PEX26: variants seen among roughly 807,000 people sequenced by gnomAD.
The protein encoded by PEX26 is peroxisome assembly protein 26.
A neutral mutation model predicts 31.4 loss-of-function variants in PEX26; 18 were observed. That is an observed-to-expected ratio of 0.57 (90% CI 0.40 to 0.85). The LOEUF (loss-of-function observed/expected upper bound fraction) is 0.85. Ranked by LOEUF, PEX26 falls within the 40% of genes least tolerant of loss-of-function variation. The pLI is 0.00. For missense variants in PEX26, 377 were observed against 383.9 expected (o/e 0.98, Z 0.15); for synonymous variants, 176 against 166.9 (o/e 1.05, Z -0.42).
In PEX26 at chr22:18,104,455, C is replaced by G. The variant is rs361543; in HGVS notation, c.*16380C>G. The G allele has an allele frequency of 0.3, 44,913 of 152,058 alleles. 7,088 individuals are homozygous for G. The highest frequency in any genetic ancestry group is 0.56 in the East Asian group (2,892 of 5,182). 9.4% of individuals were successfully genotyped at this position (152,058 alleles called of 1,614,324 possible). ...ACCTCAGGTGGTCCACCTGCCTCAGCCTTCCAAAGCGTTGGGATTACAGGC... is the reference window on the plus strand; with the variant it reads ...ACCTCAGGTGGTCCACCTGCCTCAGGCTTCCAAAGCGTTGGGATTACAGGC... On this transcript the variant is annotated 3_prime_UTR_variant, in exon 5 of 5. Coordinates refer to ENST00000399744, the MANE Select transcript of PEX26 (RefSeq NM_001127649.3).
In PEX26 at chr22:18,083,477, C is replaced by A; in HGVS notation, c.412C>A (p.Leu138Met). The A allele has an allele frequency of 6.2e-7, 1 of 1,614,138 alleles. No individual in the cohort carries two copies. The highest frequency in any genetic ancestry group is 8.5e-7 in the Non-Finnish European group (1 of 1,180,018). ...YSKMQEPGAVLDVVGAWLQDP... is the reference protein window; with the variant it reads ...YSKMQEPGAVMDVVGAWLQDP... ...CAAAATGCAAGAGCCTGGAGCTGTGCTGGATGTGGTGGGTGCCTGGCTCCA... is the reference window on the plus strand; with the variant it reads ...CAAAATGCAAGAGCCTGGAGCTGTGATGGATGTGGTGGGTGCCTGGCTCCA... Residue 138 changes from leucine to methionine, a missense_variant, in exon 3 of 5, where the codon CTG becomes ATG. By Grantham distance (15) the Leu-to-Met change is conservative (BLOSUM62 2). Coordinates refer to ENST00000399744, the MANE Select transcript of PEX26 (RefSeq NM_001127649.3).
Position 18,101,747 on chromosome 22 carries a change from G to A in PEX26, c.*13672G>A. The A allele has an allele frequency of 4.2e-6, 1 of 240,644 alleles. No individual in the cohort carries two copies. The highest frequency in any genetic ancestry group is 8.0e-6 in the Non-Finnish European group (1 of 124,952). 14.9% of individuals were successfully genotyped at this position (240,644 alleles called of 1,614,324 possible). On this transcript the variant is annotated 3_prime_UTR_variant, in exon 5 of 5. Coordinates refer to ENST00000399744, the MANE Select transcript of PEX26 (RefSeq NM_001127649.3). ...CCTGGCATTACAATGGCCTCATCCTGCATGTGGGCAAGTCAGCTCTCTGAT... is the reference window on the plus strand; with the variant it reads ...CCTGGCATTACAATGGCCTCATCCTACATGTGGGCAAGTCAGCTCTCTGAT...
Position 18,083,733 on chromosome 22 carries a change from G to T in PEX26, c.667+1G>T. 6.2e-7 allele frequency: 1 copy of T among 1,613,770 alleles called. No homozygotes were observed. Among genetic ancestry groups the T allele is most frequent in the Non-Finnish European group, 8.5e-7 (1 of 1,180,012 alleles). On this transcript the variant is annotated splice_donor_variant, in intron 3 of 4. Transcript: ENST00000399744. LOFTEE classifies it high-confidence loss of function. ...GAGGCCCAGAAGCCAAACCTGGAAG[G>T]TAGGACATTATCCCTCTGCGACCTC...
intron 2 of PEX26, among the ~76,000 whole-genome samples, chr22:18,082,965 G>A (rs564173603): frequency 2.0e-5 from 3 of 152,022 alleles, no homozygotes; most frequent in Non-Finnish European, 1.5e-5. Flanking sequence ...ATTGTAAATC[G>A]AATTGTTTTC....
In PEX26 at chr22:18,094,708, A is replaced by G. The variant is rs1927237524; in HGVS notation, c.*6633A>G. 6.6e-6 allele frequency: 1 copy of G among 150,986 alleles called. No homozygotes were observed. Among genetic ancestry groups the G allele is most frequent in the Admixed American group, 6.6e-5 (1 of 15,170 alleles). The allele number at this position is 150,986 out of a possible 1,614,324, so 9.4% of individuals were successfully genotyped here. ...GGCTTCTTGCCTTGTCTCTGACCCCACTGACTGCCCCTTTTCTGCCTCCAT... is the reference window on the plus strand; with the variant it reads ...GGCTTCTTGCCTTGTCTCTGACCCCGCTGACTGCCCCTTTTCTGCCTCCAT... On this transcript the variant is annotated 3_prime_UTR_variant, in exon 5 of 5. Coordinates refer to ENST00000399744, the MANE Select transcript of PEX26 (RefSeq NM_001127649.3).
intron 2 of PEX26, among the ~76,000 whole-genome samples, chr22:18,080,486 C>A (rs149928457): frequency 0.017 from 2,601 of 152,188 alleles, 67 homozygotes; most frequent in African/African-American, 0.059. Context: ...CCTGCCACCA[C>A]GCCCGGCTAA....
rs962570671 is a variant in PEX26, at chr22:18,095,216, T to G, written c.*7141T>G. The G allele has an allele frequency of 6.6e-6, 1 of 152,176 alleles. No homozygotes were observed. The highest frequency in any genetic ancestry group is 2.1e-4 in the South Asian group (1 of 4,818). The allele number at this position is 152,176 out of a possible 1,614,324, so 9.4% of individuals were successfully genotyped here. A position where few individuals can be genotyped will look rare whatever the true frequency, so the allele number is the denominator to read the frequency against. ...AGGGCTCTGTGCTTTGGCATCTGTT[T>G]AGTAGTATCGTCGCCCAGCTCCCTC... On this transcript the variant is annotated 3_prime_UTR_variant, in exon 5 of 5. Transcript: ENST00000399744.
In PEX26 at chr22:18,092,228, C is replaced by T. The variant is rs779111327; in HGVS notation, c.*4153C>T. 2 of 152,308 alleles carry T rather than the reference C, an allele frequency of 1.3e-5. No individual in the cohort carries two copies. Among genetic ancestry groups the T allele is most frequent in the Non-Finnish European group, 2.9e-5 (2 of 68,084 alleles). 9.4% of individuals were successfully genotyped at this position (152,308 alleles called of 1,614,324 possible). On this transcript the variant is annotated 3_prime_UTR_variant, in exon 5 of 5. Coordinates refer to ENST00000399744, the MANE Select transcript of PEX26 (RefSeq NM_001127649.3). ...TCTCTGGCCTAGTCAAGCAACCCACCCACGGCCTGGCCAAGGTCGGCCTCA... is the reference window on the plus strand; with the variant it reads ...TCTCTGGCCTAGTCAAGCAACCCACTCACGGCCTGGCCAAGGTCGGCCTCA...
rs1390041302 is a variant in PEX26 at position 18,102,819 on chromosome 22, C to T, written c.*14744C>T. 1 of 152,168 alleles carries T rather than the reference C, an allele frequency of 6.6e-6. No individual in the cohort carries two copies. The highest frequency in any genetic ancestry group is 2.4e-5 in the African/African-American group (1 of 41,438). The allele number at this position is 152,168 out of a possible 1,614,324, so 9.4% of individuals were successfully genotyped here. A position where few individuals can be genotyped will look rare whatever the true frequency, so the allele number is the denominator to read the frequency against. On this transcript the variant is annotated 3_prime_UTR_variant, in exon 5 of 5. Transcript: ENST00000399744. ...ATAGGCATGTAGCCGGGCGCAGTGG[C>T]TCACACCTGTAATCGCAGTACTTTA...
chr22:18,086,112 A>C (rs1926833041), intron 4 of PEX26, among the ~76,000 whole-genome samples: 1 of 152,134 alleles, frequency 6.6e-6, no homozygotes, highest in Non-Finnish European at 1.5e-5. Flanking sequence ...AGCCTGGCCA[A>C]TATGGTGAAA....
Position 18,103,516 on chromosome 22 carries a change from T to C in PEX26, c.*15441T>C, listed in dbSNP as rs1264079546. The C allele has an allele frequency of 6.6e-6, 1 of 152,190 alleles. No homozygotes were observed. The highest frequency in any genetic ancestry group is 1.5e-5 in the Non-Finnish European group (1 of 68,024). The allele number at this position is 152,190 out of a possible 1,614,324, so 9.4% of individuals were successfully genotyped here. On this transcript the variant is annotated 3_prime_UTR_variant, in exon 5 of 5. Transcript: ENST00000399744. ...GTCTTCAAACTCCTGGTAATACTTG[T>C]CCACAAAATTTCTCTATAATAACCG...
In PEX26 at chr22:18,098,406, A is replaced by G. The variant is rs966410854; in HGVS notation, c.*10331A>G. 12 of 151,496 alleles carry G rather than the reference A, an allele frequency of 7.9e-5. No individual in the cohort carries two copies. The highest frequency in any genetic ancestry group is 3.9e-4 in the East Asian group (2 of 5,070). 9.4% of individuals were successfully genotyped at this position (151,496 alleles called of 1,614,324 possible). On this transcript the variant is annotated 3_prime_UTR_variant, in exon 5 of 5. Coordinates refer to ENST00000399744, the MANE Select transcript of PEX26 (RefSeq NM_001127649.3). ...CTGGGTGCGGTGGCTCATGCCTGCA[A>G]TCCCAGCACTTCGGGAGGCCAAGAC... is the stretch of plus-strand genomic sequence containing the variant.
rs774434641 is a variant in PEX26, at chr22:18,083,498, C to A, written c.433C>A (p.Leu145Ile). 7.4e-6 allele frequency: 12 copies of A among 1,614,122 alleles called. No homozygotes were observed. In the East Asian group the frequency reaches 2.7e-4, roughly 36 times the overall value. The change falls in exon 3 of 5, where the codon CTC becomes ATC. Residue 145 changes from leucine to isoleucine, a missense_variant. Physicochemically the swap from Leu to Ile is conservative, Grantham distance 5 (BLOSUM62 2). Transcript: ENST00000399744. ...GAVLDVVGAW[L>I]QDPANQNLPE... ...TGTGCTGGATGTGGTGGGTGCCTGGCTCCAAGACCCAGCCAATCAAAACCT... is the reference window on the plus strand; with the variant it reads ...TGTGCTGGATGTGGTGGGTGCCTGGATCCAAGACCCAGCCAATCAAAACCT...
rs1443932359 is a variant in PEX26 at position 18,097,458 on chromosome 22, T to A, written c.*9383T>A. 1 of 151,850 alleles carries A rather than the reference T, an allele frequency of 6.6e-6. No individual in the cohort carries two copies. Among genetic ancestry groups the A allele is most frequent in the African/African-American group, 2.4e-5 (1 of 41,288 alleles). The allele number at this position is 151,850 out of a possible 1,614,324, so 9.4% of individuals were successfully genotyped here. On this transcript the variant is annotated 3_prime_UTR_variant, in exon 5 of 5. Transcript: ENST00000399744. Reference sequence around the variant, plus strand: ...TTTTGTATTTTTAGTAGAGACGGGGTCTCACCGTGTTAGCCAGGATGGTCT... The same window carrying A: ...TTTTGTATTTTTAGTAGAGACGGGGACTCACCGTGTTAGCCAGGATGGTCT...
Position 18,083,431 on chromosome 22 carries a change from C to T in PEX26, c.372-6C>T. 6.2e-7 allele frequency: 1 copy of T among 1,613,540 alleles called. No individual in the cohort carries two copies. Among genetic ancestry groups the T allele is most frequent in the East Asian group, 2.2e-5 (1 of 44,886 alleles). ...TTGTTGGGATTGGGTTTTTTGGGGA[C>T]TGCAGCATTCTTTTATACAGCAAAA... is the stretch of plus-strand genomic sequence containing the variant. On this transcript the variant is annotated splice_region_variant and splice_polypyrimidine_tract_variant and intron_variant, in intron 2 of 4. Transcript: ENST00000399744.
In PEX26 at chr22:18,078,705, C is replaced by T. The variant is rs942314835; in HGVS notation, c.230+99C>T. On this transcript the variant is annotated intron_variant, in intron 1 of 4. Transcript: ENST00000399744. ...TCCTTCCCAGATTGCCCACAAGGAG[C>T]TTTACACCTCGCTTTCATCAGTGGT... 5 of 1,055,628 alleles carry T rather than the reference C, an allele frequency of 4.7e-6. No homozygotes were observed. The African/African-American group carries it at 6.3e-5, about 13-fold the overall frequency. The allele number at this position is 1,055,628 out of a possible 1,614,324, so 65.4% of individuals were successfully genotyped here. A position where few individuals can be genotyped will look rare whatever the true frequency, so the allele number is the denominator to read the frequency against.
chr22:18,078,647 C>T, intron 1 of PEX26, 41 bp downstream of exon 1: 1 of 1,547,894 alleles, frequency 6.5e-7, no homozygotes, highest in Non-Finnish European at 8.8e-7. Context: ...TCCGGGCGCT[C>T]TTGTGGTGGG....
intron 4 of PEX26, among the ~76,000 whole-genome samples, chr22:18,086,230 C>T (rs1036860740): frequency 7.9e-5 from 12 of 152,044 alleles, no homozygotes; most frequent in African/African-American, 2.7e-4. Context: ...ACCCAGGAGG[C>T]GGAGGTTGCA....
In PEX26 at chr22:18,083,623, C is replaced by T. The variant is rs372621690; in HGVS notation, c.558C>T (p.Ala186=). 5 of 1,613,976 alleles carry T rather than the reference C, an allele frequency of 3.1e-6. No individual in the cohort carries two copies. The African/African-American group carries it at 6.7e-5, about 22-fold the overall frequency. The part of the protein sequence containing the change: ...EAEELVVGSA[A]FGEERRLDVL... Reference sequence around the variant, plus strand: ...AGGAGCTAGTGGTGGGCTCTGCAGCCTTTGGTGAGGAGCGGCGACTGGATG... The same window carrying T: ...AGGAGCTAGTGGTGGGCTCTGCAGCTTTTGGTGAGGAGCGGCGACTGGATG... Residue 186 remains alanine, a synonymous_variant, in exon 3 of 5, where the codon GCC becomes GCT. Coordinates refer to ENST00000399744, the MANE Select transcript of PEX26 (RefSeq NM_001127649.3).
Sources: allele counts gnomAD v4.1 joint callset (sites outside exome capture counted in the v4.1 genomes callset), GRCh38; gene constraint gnomAD v4.1.1; transcripts MANE v1.5; gene names NCBI Gene and HGNC (gene_info 2026-07-23, HGNC 2026-07-21).